PTPRR: variants seen among roughly 807,000 people sequenced by gnomAD.
PTPRR encodes protein tyrosine phosphatase receptor type R, also known as receptor-type tyrosine-protein phosphatase R.
PTPRR carries 38 observed loss-of-function variants against 77.2 expected under a neutral mutation model. The observed-to-expected ratio is 0.49, with a 90% CI of 0.38 to 0.65. The LOEUF (loss-of-function observed/expected upper bound fraction) is 0.65, where lower values mean the gene tolerates loss of function less well. Among genes scored for constraint, PTPRR ranks in the 30% least tolerant of loss-of-function variants. PTPRR has a pLI of 0.00. For synonymous variants in PTPRR, 299 were observed against 283.1 expected (o/e 1.06, Z -0.57); for missense variants, 744 against 799.2 (o/e 0.93, Z 0.83).
intron 2 of PTPRR, among the ~76,000 whole-genome samples, chr12:70,802,324 C>G (rs1237116293): frequency 1.3e-5 from 2 of 152,140 alleles, no homozygotes; most frequent in East Asian, 3.9e-4. Context: ...TGATGAAATA[C>G]TGTCTCATTT....
At chr12:70,842,815 T>C (rs1421547152) in intron 2 of PTPRR, among the ~76,000 whole-genome samples, 1 of 152,236 alleles carries the variant, frequency 6.6e-6, no homozygotes, top group Non-Finnish European at 1.5e-5. Context: ...AGATTTGGCA[T>C]GGATATCTTT....
At chr12:70,761,342 C>T (rs1398955633) in intron 4 of PTPRR, 129 bp downstream of exon 4, 2 of 859,158 alleles carry the variant, frequency 2.3e-6, no homozygotes, top group Admixed American at 5.6e-5. Context: ...AATTCTGACA[C>T]TCAGGGAAAT....
At chr12:70,839,740 T>C (rs1252613448) in intron 2 of PTPRR, among the ~76,000 whole-genome samples, 2 of 152,164 alleles carry the variant, frequency 1.3e-5, no homozygotes, top group Non-Finnish European at 1.5e-5. Flanking sequence ...TTTTGGTAAC[T>C]GGCTGCTTGT....
intron 5 of PTPRR, among the ~76,000 whole-genome samples, chr12:70,748,631 A>T (rs1353377431): frequency 6.6e-6 from 1 of 152,210 alleles, no homozygotes; most frequent in Non-Finnish European, 1.5e-5. Flanking sequence ...GAATAAAAAA[A>T]CCAGAGGAAC....
In PTPRR at chr12:70,661,113, G is replaced by A. The variant is rs759714661; in HGVS notation, c.1609-16C>T. ...GGCTTCCTTGCTGAAAATAGCAACA[G>A]CCACCAAATGCCTCATTCACTTGTA... On this transcript the variant is annotated splice_polypyrimidine_tract_variant and intron_variant, in intron 11 of 13. Coordinates refer to ENST00000283228, the MANE Select transcript of PTPRR (RefSeq NM_002849.4). The A allele has an allele frequency of 1.5e-5, 24 of 1,595,468 alleles. No homozygotes were observed. Among genetic ancestry groups the A allele is most frequent in the Non-Finnish European group, 2.0e-5 (23 of 1,168,694 alleles).
chr12:70,905,274 G>A (rs545203502), intron 1 of PTPRR, among the ~76,000 whole-genome samples: 1 of 151,974 alleles, frequency 6.6e-6, no homozygotes, highest in South Asian at 2.1e-4. Context: ...TCTCATAAGA[G>A]AGTGAGGACT....
At chr12:70,759,892 G>A (rs910454302) in intron 4 of PTPRR, among the ~76,000 whole-genome samples, 4 of 152,130 alleles carry the variant, frequency 2.6e-5, no homozygotes, top group African/African-American at 4.8e-5. Context: ...ACTTCATTCC[G>A]TAGTATTTTG....
intron 1 of PTPRR, among the ~76,000 whole-genome samples, chr12:70,900,937 C>T (rs7974096): frequency 0.26 from 39,160 of 151,142 alleles, 5,712 homozygotes; most frequent in East Asian, 0.48. Context: ...TAAATGAGTA[C>T]AGGTGGTTTC....
At chr12:70,798,635 A>G (rs1891557358) in intron 2 of PTPRR, among the ~76,000 whole-genome samples, 1 of 152,088 alleles carries the variant, frequency 6.6e-6, no homozygotes, top group Admixed American at 6.6e-5. Flanking sequence ...CCTTCTGTTC[A>G]TAATGTGATC....
chr12:70,767,580 C>T (rs1471321463), intron 2 of PTPRR, among the ~76,000 whole-genome samples: 1 of 152,000 alleles, frequency 6.6e-6, no homozygotes, highest in South Asian at 2.1e-4. Flanking sequence ...ACGTTAACAC[C>T]CCACTGTCAA....
intron 6 of PTPRR, among the ~76,000 whole-genome samples, chr12:70,722,418 C>A (rs1889290640): frequency 6.6e-6 from 1 of 152,108 alleles, no homozygotes; most frequent in Admixed American, 6.6e-5. Flanking sequence ...TATTTTAGTA[C>A]CACTCTCGTT....
At chr12:70,699,433 C>T (rs1223123513) in intron 7 of PTPRR, among the ~76,000 whole-genome samples, 1 of 151,956 alleles carries the variant, frequency 6.6e-6, no homozygotes, top group African/African-American at 2.4e-5. Context: ...CAGAGAGAAA[C>T]AGCTATTCGT....
At chr12:70,662,387 T>C in intron 11 of PTPRR, 108 bp downstream of exon 11, 1 of 597,312 alleles carries the variant, frequency 1.7e-6, no homozygotes, top group Non-Finnish European at 2.8e-6. Context: ...ATCTTAACAT[T>C]ATTTAATTTG....
chr12:70,775,122 A>T (rs1230670806), intron 2 of PTPRR, among the ~76,000 whole-genome samples: 2 of 152,256 alleles, frequency 1.3e-5, no homozygotes, highest in African/African-American at 2.4e-5. Flanking sequence ...ACTTTACAAC[A>T]GTACATAATT....
intron 2 of PTPRR, among the ~76,000 whole-genome samples, chr12:70,844,310 T>A (rs1221890224): frequency 6.6e-6 from 1 of 152,130 alleles, no homozygotes; most frequent in Non-Finnish European, 1.5e-5. Context: ...AACTAGGGCA[T>A]CCATATGCAA....
chr12:70,664,957 G>A (rs1159882124), intron 10 of PTPRR, among the ~76,000 whole-genome samples: 1 of 152,162 alleles, frequency 6.6e-6, no homozygotes, highest in East Asian at 1.9e-4. Context: ...AAGAGTACAA[G>A]TTCATGTTCA....
chr12:70,761,647 G>C, intron 3 of PTPRR, 21 bp from the exon 4 acceptor site: 2 of 1,526,934 alleles, frequency 1.3e-6, no homozygotes, highest in South Asian at 2.6e-5. Context: ...CAGAATATTT[G>C]TATTTGTTAT....
intron 13 of PTPRR, among the ~76,000 whole-genome samples, chr12:70,647,442 T>G (rs1255008646): frequency 6.6e-6 from 1 of 151,868 alleles, no homozygotes; most frequent in Non-Finnish European, 1.5e-5. Flanking sequence ...GATGTTAAAA[T>G]ATAAACATCA....
chr12:70,672,173 G>C, intron 10 of PTPRR: 1 of 1,524,804 alleles, frequency 6.6e-7, no homozygotes, highest in South Asian at 1.2e-5. Flanking sequence ...AGCCTTGGGT[G>C]CCCAGTTGCC....
Sources: allele counts gnomAD v4.1 joint callset (sites outside exome capture counted in the v4.1 genomes callset), GRCh38; gene constraint gnomAD v4.1.1; transcripts MANE v1.5; gene names NCBI Gene and HGNC (gene_info 2026-07-23, HGNC 2026-07-21).